The following NOTCH2NLC variants were observed in gnomAD, a reference collection of about 807,000 sequenced individuals.
NOTCH2NLC encodes the protein notch 2 N-terminal like C.
A neutral mutation model predicts 17.7 loss-of-function variants in NOTCH2NLC; 4 were observed. The ratio of observed to expected loss-of-function variants is 0.23; its 90% CI spans 0.11 to 0.52. The LOEUF is 0.52. Among genes scored for constraint, NOTCH2NLC ranks in the 20% least tolerant of loss-of-function variants. The probability of loss-of-function intolerance (pLI) is 0.96; values close to 1 mark genes in which losing one functional copy is unlikely to be tolerated. For missense variants in NOTCH2NLC, 57 were observed against 207.2 expected, an observed-to-expected ratio of 0.28 and a Z score of 4.45; for synonymous variants, 18 against 86.0, an observed-to-expected ratio of 0.21 and a Z score of 4.38.
intron 1 of NOTCH2NLC, among the ~76,000 whole-genome samples, chr1:149,419,038 CCTTTCTTTTTTT>C (rs1267634009): frequency 6.7e-6 from 1 of 149,574 alleles, no homozygotes; most frequent in African/African-American, 2.5e-5. Context: ...TCCTCTCTCT[CCTTTCTTTTTTT>C]CTTTCTTTTT....
chr1:149,435,873 C>A (rs1262157517), intron 2 of NOTCH2NLC, among the ~76,000 whole-genome samples: 2 of 147,810 alleles, frequency 1.4e-5, no homozygotes, highest in African/African-American at 2.5e-5. Context: ...TCTTCTGCTG[C>A]ATGAACTGGG....
In NOTCH2NLC at chr1:149,471,741, T is replaced by G. The variant is rs2084721725; in HGVS notation, c.*7588T>G. ...ACTTTTGGAATATGGTAAAAGACAC[T>G]GAAATATATGCTTAAAAATGGTGAT... On this transcript the variant is annotated 3_prime_UTR_variant, in exon 5 of 5. Transcript: ENST00000650865. Among the ~76,000 whole-genome samples, 1 of 148,444 alleles carries G rather than the reference T, an allele frequency of 6.7e-6. No homozygotes were observed. The highest frequency in any genetic ancestry group is 2.5e-5 in the African/African-American group (1 of 40,244).
At chr1:149,445,041 C>T (rs2084541427) in intron 2 of NOTCH2NLC, among the ~76,000 whole-genome samples, 1 of 143,048 alleles carries the variant, frequency 7.0e-6, no homozygotes, top group African/African-American at 2.6e-5. Context: ...CCCCTCTTTA[C>T]CAGGAAGTTA....
chr1:149,412,141 A>C lies in NOTCH2NLC; in HGVS notation c.136-18801A>C, dbSNP rs1279130875. On this transcript the variant is annotated intron_variant, in intron 1 of 4. Coordinates refer to ENST00000650865, the MANE Select transcript of NOTCH2NLC (RefSeq NM_001364013.2). ...CAAAAAAAAAAAAAACAAAAAAAAA[A>C]CAAAAAAAAGTGGTATTGGGCCTGT... 7.1e-3 allele frequency among the ~76,000 whole-genome samples: 1,044 copies of C among 147,578 alleles called. 28 individuals carry two copies. The highest frequency in any genetic ancestry group is 0.011 in the Non-Finnish European group (745 of 66,566).
chr1:149,427,529 C>T, intron 1 of NOTCH2NLC, among the ~76,000 whole-genome samples: 1 of 69,964 alleles, frequency 1.4e-5, no homozygotes. Context: ...GATGGAGTCT[C>T]TCTCTGTCAC....
intron 1 of NOTCH2NLC, among the ~76,000 whole-genome samples, chr1:149,416,756 A>C (rs1333363375): frequency 2.0e-4 from 30 of 150,744 alleles, no homozygotes; most frequent in African/African-American, 6.6e-4. Flanking sequence ...TGGAGAAATA[A>C]TGCATAGTGT....
intron 2 of NOTCH2NLC, among the ~76,000 whole-genome samples, chr1:149,435,904 A>G (rs1158551260): frequency 2.0e-5 from 3 of 149,998 alleles, no homozygotes; most frequent in Non-Finnish European, 4.5e-5. Flanking sequence ...ACGATAAAAA[A>G]AAACAAAAAC....
rs2084719600 is a variant in NOTCH2NLC, at chr1:149,471,545, T to C, written c.*7392T>C. 6.6e-6 allele frequency among the ~76,000 whole-genome samples: 1 copy of C among 150,452 alleles called. No individual in the cohort carries two copies. Among genetic ancestry groups the C allele is most frequent in the Admixed American group, 6.7e-5 (1 of 15,018 alleles). On this transcript the variant is annotated 3_prime_UTR_variant, in exon 5 of 5. Transcript: ENST00000650865. ...TGGATATTTAGTTGTCCCAGGACCA[T>C]TTGTTGAATTAAGTGCCCAGAACAA...
rs2084432988 is a variant in NOTCH2NLC, at chr1:149,429,674, T to C, written c.136-1268T>C. Among the ~76,000 whole-genome samples, 9 of 151,528 alleles carry C rather than the reference T, an allele frequency of 5.9e-5. No homozygotes were observed. In the South Asian group the frequency reaches 1.7e-3, roughly 28 times the overall value. ...CAAATGATTCTACTACTGGATACAATACTAGGCTTTTATGCAGTAATTGTT... is the reference window on the plus strand; with the variant it reads ...CAAATGATTCTACTACTGGATACAACACTAGGCTTTTATGCAGTAATTGTT... On this transcript the variant is annotated intron_variant, in intron 1 of 4. Transcript: ENST00000650865.
intron 3 of NOTCH2NLC, among the ~76,000 whole-genome samples, chr1:149,460,854 CCTTTCTTTCTTTCTTT>C (rs1169297627): frequency 0.26 from 29,635 of 113,792 alleles, 3,884 homozygotes; most frequent in Middle Eastern, 0.28. Context: ...TTTCTTTCTC[CCTTTCTTTCTTTCTTT>C]CTTTCTTTCT....
In NOTCH2NLC at chr1:149,420,105, C is replaced by T. The variant is rs2084371146; in HGVS notation, c.136-10837C>T. On this transcript the variant is annotated intron_variant, in intron 1 of 4. Transcript: ENST00000650865. ...CAGGATGGTGTCGATCTCCTGACCT[C>T]GTGATCCGCCCACCTCGGCCTCCCA... Among the ~76,000 whole-genome samples, 4 of 149,914 alleles carry T rather than the reference C, an allele frequency of 2.7e-5. 1 individual carries two copies. The highest frequency in any genetic ancestry group is 3.5e-3 in the Middle Eastern group (1 of 288).
chr1:149,455,773 A>C (rs2084613495), intron 3 of NOTCH2NLC, among the ~76,000 whole-genome samples, 196 bp downstream of exon 3: 2 of 148,740 alleles, frequency 1.3e-5, no homozygotes. Context: ...GAGAAAGAGA[A>C]AGAAAAAGGA....
At chr1:149,435,839 C>T (rs1428905299) in intron 2 of NOTCH2NLC, among the ~76,000 whole-genome samples, 7 of 144,148 alleles carry the variant, frequency 4.9e-5, no homozygotes, top group Admixed American at 2.1e-4. Flanking sequence ...GCAGGACTTC[C>T]GTTTTCTGCT....
intron 2 of NOTCH2NLC, among the ~76,000 whole-genome samples, chr1:149,445,014 G>C (rs1199038252): frequency 2.0e-5 from 3 of 148,044 alleles, no homozygotes; most frequent in African/African-American, 5.0e-5. Flanking sequence ...GTATGACAGA[G>C]CTTCTTCTCT....
intron 1 of NOTCH2NLC, among the ~76,000 whole-genome samples, chr1:149,400,400 A>G (rs1242637486): frequency 2.2e-5 from 3 of 135,172 alleles, no homozygotes; most frequent in Non-Finnish European, 3.2e-5. Flanking sequence ...TACTGGTTTG[A>G]AAAAGCTCTT....
chr1:149,429,995 G>T (rs1329296961), intron 1 of NOTCH2NLC, among the ~76,000 whole-genome samples: 3 of 151,026 alleles, frequency 2.0e-5, no homozygotes, highest in African/African-American at 7.3e-5. Flanking sequence ...TTCTTGATAT[G>T]TATTTTGGTG....
At chr1:149,454,574 T>A (rs1421827251) in intron 2 of NOTCH2NLC, among the ~76,000 whole-genome samples, 1 of 150,742 alleles carries the variant, frequency 6.6e-6, no homozygotes, top group African/African-American at 2.4e-5. Flanking sequence ...TTGGTGTTTA[T>A]ATGGTATCTT....
chr1:149,395,455 G>A (rs2084199562), intron 1 of NOTCH2NLC, among the ~76,000 whole-genome samples: 1 of 142,718 alleles, frequency 7.0e-6, no homozygotes, highest in Admixed American at 7.0e-5. Flanking sequence ...TTGTGTGTGG[G>A]GTTTCTTTCT....
intron 1 of NOTCH2NLC, among the ~76,000 whole-genome samples, chr1:149,414,611 C>T (rs2084320228): frequency 6.6e-6 from 1 of 150,590 alleles, no homozygotes; most frequent in Non-Finnish European, 1.5e-5. Context: ...GGCTATTAAA[C>T]CATGTATGCA....
Sources: gnomAD v4.1 joint callset for allele counts (sites outside exome capture counted in the v4.1 genomes callset) on GRCh38, gnomAD v4.1.1 for gene constraint, MANE v1.5 for transcripts, NCBI Gene and HGNC (gene_info 2026-07-23, HGNC 2026-07-21) for gene names.